GABRA3: variants seen among roughly 807,000 people sequenced by gnomAD.
GABRA3 encodes gamma-aminobutyric acid type A receptor subunit alpha3, also known as gamma-aminobutyric acid receptor subunit alpha-3.
A neutral mutation model predicts 30.1 loss-of-function variants in GABRA3; 10 were observed. That is an observed-to-expected ratio of 0.33 (90% CI 0.20 to 0.56). GABRA3 has a LOEUF of 0.56. Ranked by LOEUF, GABRA3 falls within the 20% of genes least tolerant of loss-of-function variation. GABRA3 has a pLI of 0.89. For synonymous variants in GABRA3, 151 were observed against 146.8 expected, an observed-to-expected ratio of 1.03 and a Z score of -0.21; for missense variants, 233 against 392.0, an observed-to-expected ratio of 0.59 and a Z score of 3.42.
intron 1 of GABRA3, among the ~76,000 whole-genome samples, chrX:152,411,890 C>T (rs1488461265): frequency 9.0e-6 from 1 of 111,053 alleles, no homozygotes; most frequent in Non-Finnish European, 1.9e-5. Context: ...AGTTAATTAC[C>T]TAATTAAAAG....
intron 3 of GABRA3, among the ~76,000 whole-genome samples, chrX:152,340,192 A>G (rs1489335153): frequency 1.8e-5 from 2 of 112,091 alleles, no homozygotes; most frequent in African/African-American, 6.5e-5. Flanking sequence ...TTCAAGTTCT[A>G]TAGTGCACAT....
At chrX:152,399,811 T>C (rs1929749975) in intron 1 of GABRA3, among the ~76,000 whole-genome samples, 1 of 111,532 alleles carries the variant, frequency 9.0e-6, no homozygotes, top group Non-Finnish European at 1.9e-5. Context: ...AGCGAGGTGA[T>C]TTTGCAATAG....
chrX:152,265,661 AAATG>A (rs1200436344), intron 4 of GABRA3, among the ~76,000 whole-genome samples: 2 of 111,827 alleles, frequency 1.8e-5, no homozygotes, highest in Non-Finnish European at 3.8e-5. Context: ...GAGCAGAAAT[AAATG>A]AAACTTTAAT....
chrX:152,424,928 CTTTTTTT>C (rs747255822), intron 1 of GABRA3, among the ~76,000 whole-genome samples: 4 of 42,358 alleles, frequency 9.4e-5, no homozygotes, highest in African/African-American at 1.2e-4. Flanking sequence ...TTTTTCTTTT[CTTTTTTT>C]TTTTTTTTTT....
chrX:152,368,880 T>C (rs1281857386), intron 1 of GABRA3, among the ~76,000 whole-genome samples: 2 of 109,728 alleles, frequency 1.8e-5, no homozygotes, highest in Admixed American at 9.7e-5. Context: ...TAATTTTTTG[T>C]ATTTGTAGTA....
At chrX:152,378,878 T>C (rs977361475) in intron 1 of GABRA3, among the ~76,000 whole-genome samples, 2 of 111,802 alleles carry the variant, frequency 1.8e-5, no homozygotes, top group Non-Finnish European at 3.8e-5. Context: ...AAGACTTTCA[T>C]GTGAAAGGTT....
chrX:152,229,054 T>A (rs1938018443), intron 5 of GABRA3, among the ~76,000 whole-genome samples: 1 of 111,548 alleles, frequency 9.0e-6, no homozygotes, highest in Non-Finnish European at 1.9e-5. Flanking sequence ...CATGGTTGCC[T>A]CTGACTTCAG....
At chrX:152,352,407 T>C (rs1170084766) in intron 2 of GABRA3, among the ~76,000 whole-genome samples, 5 of 111,761 alleles carry the variant, frequency 4.5e-5, no homozygotes. Context: ...GAAAATGCAA[T>C]GAAAAACCTT....
chrX:152,401,690 G>A (rs1016261693), intron 1 of GABRA3, among the ~76,000 whole-genome samples: 2 of 111,659 alleles, frequency 1.8e-5, no homozygotes, highest in Admixed American at 9.5e-5. Context: ...ATTGGGAGTG[G>A]GAGGAATACT....
intron 1 of GABRA3, among the ~76,000 whole-genome samples, chrX:152,409,821 A>C (rs1930024448): frequency 8.9e-6 from 1 of 112,173 alleles, no homozygotes; most frequent in Non-Finnish European, 1.9e-5. Context: ...AAAAAAATAA[A>C]AAGAGAACTA....
intron 5 of GABRA3, among the ~76,000 whole-genome samples, chrX:152,255,232 C>T (rs1778507031): frequency 9.0e-6 from 1 of 110,755 alleles, no homozygotes; most frequent in Non-Finnish European, 1.9e-5. Flanking sequence ...CCTCAGTATC[C>T]TAAGGTAATG....
At chrX:152,370,880 TA>T (rs1435373308) in intron 1 of GABRA3, among the ~76,000 whole-genome samples, 1 of 111,398 alleles carries the variant, frequency 9.0e-6, no homozygotes, top group African/African-American at 3.3e-5. Context: ...CACGGATTTC[TA>T]ATCTACTGAT....
chrX:152,444,609 A>G (rs1931014616), intron 1 of GABRA3, among the ~76,000 whole-genome samples: 1 of 110,653 alleles, frequency 9.0e-6, no homozygotes, highest in Non-Finnish European at 1.9e-5. Context: ...ATGATTGTTA[A>G]GGGCCCTGCC....
intron 4 of GABRA3, among the ~76,000 whole-genome samples, chrX:152,259,906 T>C (rs766077890): frequency 1.8e-5 from 2 of 109,960 alleles, no homozygotes; most frequent in Non-Finnish European, 3.8e-5. Flanking sequence ...CGAGCTTGGC[T>C]TCAGTGTGTT....
At chrX:152,301,597 G>A (rs767112096) in intron 3 of GABRA3, among the ~76,000 whole-genome samples, 3 of 110,793 alleles carry the variant, frequency 2.7e-5, no homozygotes, top group South Asian at 3.9e-4. Flanking sequence ...TTAATGGTGC[G>A]ATCTCGGCTC....
chrX:152,357,497 T>G (rs1421320362), intron 2 of GABRA3, among the ~76,000 whole-genome samples: 1 of 111,761 alleles, frequency 8.9e-6, no homozygotes, highest in Non-Finnish European at 1.9e-5. Context: ...GTGAATTTGT[T>G]TAGGTTCCTT....
chrX:152,175,241 T>G (rs1036872170), intron 9 of GABRA3, among the ~76,000 whole-genome samples: 1 of 104,746 alleles, frequency 9.5e-6, no homozygotes, highest in Non-Finnish European at 1.9e-5. Context: ...AATCCATCAA[T>G]AGCAATGGAT....
chrX:152,367,121 C>G (rs1454883574), intron 1 of GABRA3, among the ~76,000 whole-genome samples: 1 of 110,707 alleles, frequency 9.0e-6, no homozygotes, highest in Non-Finnish European at 1.9e-5. Flanking sequence ...TTCAGACAAC[C>G]ATGATGTACA....
At chrX:152,285,814 G>GCA (rs1175032014) in intron 3 of GABRA3, among the ~76,000 whole-genome samples, 1 of 109,027 alleles carries the variant, frequency 9.2e-6, no homozygotes, top group Non-Finnish European at 1.9e-5. Context: ...TTTTATAAGA[G>GCA]CACTAATCCC....
Sources: allele counts gnomAD v4.1 joint callset (sites outside exome capture counted in the v4.1 genomes callset), GRCh38; gene constraint gnomAD v4.1.1; transcripts MANE v1.5; gene names NCBI Gene and HGNC (gene_info 2026-07-23, HGNC 2026-07-21).